The following SYNJ1 variants were observed in gnomAD, a reference collection of about 807,000 sequenced individuals.
SYNJ1 encodes the protein polyphosphatidylinositol phosphatase SYNJ1.
In SYNJ1, 78 loss-of-function variants were observed where a neutral mutation model predicts 168.2. That is an observed-to-expected ratio of 0.46 (90% confidence interval 0.39 to 0.56). SYNJ1 has a LOEUF of 0.56. Among genes scored for constraint, SYNJ1 ranks in the 20% least tolerant of loss-of-function variants. SYNJ1 has a pLI of 0.00. For synonymous variants in SYNJ1, 539 were observed against 548.6 expected (o/e 0.98, Z 0.24); for missense variants, 1,303 against 1,597.6 (o/e 0.82, Z 3.14).
chr21:32,695,315 G>T, intron 4 of SYNJ1, 33 bp from the exon 5 acceptor site: 1 of 1,580,026 alleles, frequency 6.3e-7, no homozygotes, highest in South Asian at 1.1e-5. Context: ...ATTAGCTTAT[G>T]GAATACTAAG....
Position 32,695,179 on chromosome 21 carries a change from C to T in SYNJ1, c.583G>A (p.Ala195Thr), listed in dbSNP as rs774367309. The change falls in exon 5 of 33, where the codon GCT becomes ACT. Residue 195 changes from alanine (A) to threonine (T), a missense_variant. Physicochemically the swap from Ala to Thr is moderately conservative, Grantham distance 58. This residue lies in a region of SYNJ1 where 920 missense variants were observed against 1,208.8 expected (regional missense o/e 0.76). Coordinates refer to ENST00000674351, the MANE Select transcript of SYNJ1 (RefSeq NM_203446.3). ...AGGCAAGCCTTCGCCTGTTTATGAG[C>T]AGCATAAATTGTTCTGATTTCTACT... ...GGVEIRTIYA[A>T]HKQAKACLIS... 210 of 1,613,960 alleles carry T rather than the reference C, an allele frequency of 1.3e-4. 1 individual carries two copies. Among genetic ancestry groups the T allele is most frequent in the Non-Finnish European group, 1.7e-4 (195 of 1,180,028 alleles).
chr21:32,715,721 C>T (rs996234678), intron 2 of SYNJ1, among the ~76,000 whole-genome samples: 1 of 151,846 alleles, frequency 6.6e-6, no homozygotes, highest in Non-Finnish European at 1.5e-5. Context: ...GAAATAGAAA[C>T]ACAAAATTTT....
Position 32,631,499 on chromosome 21 carries a change from G to T in SYNJ1, c.*306C>A. On this transcript the variant is annotated 3_prime_UTR_variant, in exon 33 of 33. Transcript: ENST00000674351. Reference sequence around the variant, plus strand: ...TTCCAGGAGCAGCAGTCCTGTCACTGAAAGGATTTGTCCTGGTCAAGCCAG... The same window carrying T: ...TTCCAGGAGCAGCAGTCCTGTCACTTAAAGGATTTGTCCTGGTCAAGCCAG... 3 of 1,614,108 alleles carry T rather than the reference G, an allele frequency of 1.9e-6. No homozygotes were observed. Among genetic ancestry groups the T allele is most frequent in the Non-Finnish European group, 2.5e-6 (3 of 1,179,998 alleles).
chr21:32,726,846 G>C lies in SYNJ1; in HGVS notation c.50C>G (p.Pro17Arg), dbSNP rs2043478268. Reference protein sequence around the residue: ...FRIYHKLDPPPFSLIVETRHK... With the variant: ...FRIYHKLDPPRFSLIVETRHK... ...CCTAGTTTCCACTATGAGGCTGAAA[G>C]GTGGGGGATCCAATTTGTGATAGAT... The change falls in exon 2 of 33, where the codon CCT (proline) becomes CGT (arginine). Residue 17 changes from proline (P) to arginine (R), a missense_variant. This residue lies in a region of SYNJ1 where 920 missense variants were observed against 1,208.8 expected (regional missense o/e 0.76). Transcript: ENST00000674351. 1.2e-6 allele frequency: 2 copies of C among 1,614,066 alleles called. No individual in the cohort carries two copies. The highest frequency in any genetic ancestry group is 1.7e-6 in the Non-Finnish European group (2 of 1,180,046).
At chr21:32,642,246 G>T in intron 27 of SYNJ1, 113 bp from the exon 28 acceptor site, 1 of 1,173,926 alleles carries the variant, frequency 8.5e-7, no homozygotes, top group Non-Finnish European at 1.3e-6. Flanking sequence ...GGCATGAGAT[G>T]GTAACAAAAC....
At chr21:32,728,021 C>G (rs1356107430), upstream of SYNJ1, 4 of 1,535,954 alleles carry the variant, frequency 2.6e-6, no homozygotes, top group Admixed American at 2.0e-5. Context: ...TCCGCTCCAG[C>G]AGGCCCATCT....
chr21:32,714,770 G>GA (rs913430535), intron 2 of SYNJ1, among the ~76,000 whole-genome samples: 1 of 152,182 alleles, frequency 6.6e-6, no homozygotes, highest in Non-Finnish European at 1.5e-5. Context: ...GGAAATCACA[G>GA]AAATTTCTAC....
chr21:32,666,285 G>A, intron 16 of SYNJ1, 148 bp downstream of exon 16: 1 of 1,432,076 alleles, frequency 7.0e-7, no homozygotes, highest in East Asian at 2.3e-5. Context: ...CTATTGGTGA[G>A]TCTTTAATCA....
chr21:32,686,792 T>C (rs2041851562), intron 8 of SYNJ1, among the ~76,000 whole-genome samples, 186 bp downstream of exon 8: 1 of 152,222 alleles, frequency 6.6e-6, no homozygotes, highest in Admixed American at 6.5e-5. Context: ...AGAATCCCAA[T>C]TTCAGCAACA....
At chr21:32,638,111 C>T (rs2039662501) in intron 31 of SYNJ1, among the ~76,000 whole-genome samples, 1 of 152,032 alleles carries the variant, frequency 6.6e-6, no homozygotes, top group Non-Finnish European at 1.5e-5. Flanking sequence ...ACTGTGTCAC[C>T]AGGCTGGAAT....
intron 26 of SYNJ1, among the ~76,000 whole-genome samples, chr21:32,644,666 T>C (rs2145766948): frequency 6.6e-6 from 1 of 152,320 alleles, no homozygotes; most frequent in African/African-American, 2.4e-5. Flanking sequence ...AATGTATCAC[T>C]AATCAGATAC....
chr21:32,711,123 C>T (rs1353653949), intron 2 of SYNJ1, among the ~76,000 whole-genome samples: 2 of 152,166 alleles, frequency 1.3e-5, no homozygotes, highest in Non-Finnish European at 1.5e-5. Context: ...CAAATTCATG[C>T]ATGACTGAAG....
rs982116540 is a variant in SYNJ1 at position 32,661,234 on chromosome 21, C to T, written c.2305-3362G>A. Among the ~76,000 whole-genome samples, 4 of 152,188 alleles carry T rather than the reference C, an allele frequency of 2.6e-5. No homozygotes were observed. The East Asian group carries it at 5.8e-4, about 22-fold the overall frequency. ...GTTAGGCCGGTACTTCTACATCTCA[C>T]ACTTGCCAGCCCTTGCCAAAGCAGT... On this transcript the variant is annotated intron_variant, in intron 18 of 32. Transcript: ENST00000674351.
At chr21:32,632,390 T>G (rs1396592540) in intron 32 of SYNJ1, among the ~76,000 whole-genome samples, 3 of 147,352 alleles carry the variant, frequency 2.0e-5, no homozygotes, top group Non-Finnish European at 3.0e-5. Context: ...CACCCCCTCT[T>G]TTTTTTTTTT....
At chr21:32,636,609 T>TA (rs1569022610) in intron 31 of SYNJ1, among the ~76,000 whole-genome samples, 1 of 152,104 alleles carries the variant, frequency 6.6e-6, no homozygotes, top group East Asian at 1.9e-4. Context: ...TCCAATAATT[T>TA]AAAATTTTTT....
At chr21:32,636,001 A>G (rs2145692560) in intron 31 of SYNJ1, among the ~76,000 whole-genome samples, 1 of 152,334 alleles carries the variant, frequency 6.6e-6, no homozygotes, top group South Asian at 2.1e-4. Context: ...CATCACCCAG[A>G]AATATATTAA....
intron 2 of SYNJ1, among the ~76,000 whole-genome samples, chr21:32,715,944 C>G (rs532682252): frequency 6.6e-6 from 1 of 152,104 alleles, no homozygotes; most frequent in Non-Finnish European, 1.5e-5. Context: ...TCTCCAAGTG[C>G]CAAATCATTC....
At chr21:32,646,033 A>C (rs1474701983) in intron 24 of SYNJ1, 1 of 767,264 alleles carries the variant, frequency 1.3e-6, no homozygotes, top group South Asian at 1.4e-5. Context: ...AAGCTAATTT[A>C]CTAAGTGGCC....
chr21:32,643,508 G>GCA, intron 26 of SYNJ1, 51 bp from the exon 27 acceptor site: 1 of 1,565,566 alleles, frequency 6.4e-7, no homozygotes, highest in Non-Finnish European at 8.8e-7. Flanking sequence ...CCACAGCACA[G>GCA]AATGAAAGGC....
Sources: gnomAD v4.1 joint callset for allele counts (sites outside exome capture counted in the v4.1 genomes callset) on GRCh38, gnomAD v4.1.1 for gene constraint, gnomAD v4.1.1 regional missense constraint, MANE v1.5 for transcripts, NCBI Gene and HGNC (gene_info 2026-07-23, HGNC 2026-07-21) for gene names.